The following ZDHHC21 variants were observed in gnomAD, a reference collection of about 807,000 sequenced individuals.
ZDHHC21 encodes zDHHC palmitoyltransferase 21, also known as palmitoyltransferase ZDHHC21.
A neutral mutation model predicts 34.6 loss-of-function variants in ZDHHC21; 15 were observed. The observed-to-expected ratio is 0.43, with a 90% confidence interval of 0.29 to 0.67. The LOEUF (loss-of-function observed/expected upper bound fraction) is 0.67, where lower values mean the gene tolerates loss of function less well. Among genes scored for constraint, ZDHHC21 ranks in the 30% least tolerant of loss-of-function variants. The pLI is 0.14. For synonymous variants in ZDHHC21, 142 were observed against 101.8 expected (o/e 1.40, Z -2.38); for missense variants, 344 against 327.7 (o/e 1.05, Z -0.38).
rs374563308 is a variant in ZDHHC21 at position 14,618,964 on chromosome 9, G to A, written c.*2C>T. On this transcript the variant is annotated 3_prime_UTR_variant, in exon 10 of 10. Transcript: ENST00000380916. The stretch of plus-strand genomic sequence containing the variant: ...ACCCATCTGTGCCCACCATCCATCT[G>A]TTTAGACATGATTGGCAAAGTGGTA... 22 of 1,606,438 alleles carry A rather than the reference G, an allele frequency of 1.4e-5. No individual in the cohort carries two copies. The highest frequency in any genetic ancestry group is 1.3e-4 in the East Asian group (6 of 44,598).
At chr9:14,681,328 T>C (rs1837333691) in intron 2 of ZDHHC21, among the ~76,000 whole-genome samples, 1 of 152,160 alleles carries the variant, frequency 6.6e-6, no homozygotes, top group Non-Finnish European at 1.5e-5. Flanking sequence ...CAAGCAATCC[T>C]CCTGCCTCAG....
chr9:14,692,667 G>A (rs1839327101), intron 1 of ZDHHC21, among the ~76,000 whole-genome samples: 1 of 152,088 alleles, frequency 6.6e-6, no homozygotes, highest in Non-Finnish European at 1.5e-5. Flanking sequence ...GCAAACTGCT[G>A]CCATCCATAA....
At position 14,674,405 on chromosome 9, in the gene ZDHHC21, A is replaced by G. The variant is rs1835989089; in HGVS notation, c.-45-20T>C. On this transcript the variant is annotated intron_variant, in intron 3 of 9. Transcript: ENST00000380916. The stretch of plus-strand genomic sequence containing the variant: ...ATGATCCTAAGGAGAAGGAACAAAG[A>G]AAATAATTACTTACATAGAAAAATT... The G allele has an allele frequency of 4.8e-6, 7 of 1,462,298 alleles. No homozygotes were observed. Among genetic ancestry groups the G allele is most frequent in the Non-Finnish European group, 6.4e-6 (7 of 1,096,060 alleles). 90.6% of individuals were successfully genotyped at this position (1,462,298 alleles called of 1,614,324 possible).
At chr9:14,690,137 G>A (rs1388307913) in intron 2 of ZDHHC21, among the ~76,000 whole-genome samples, 200 bp downstream of exon 2, 2 of 152,148 alleles carry the variant, frequency 1.3e-5, no homozygotes, top group Non-Finnish European at 2.9e-5. Context: ...AAGAGGCCCA[G>A]GCTTTTCCTG....
intron 7 of ZDHHC21, among the ~76,000 whole-genome samples, chr9:14,654,238 T>A (rs1354679077): frequency 1.3e-5 from 2 of 151,958 alleles, no homozygotes; most frequent in African/African-American, 4.8e-5. Context: ...CAAAGACAAA[T>A]CCAGCAATCA....
intron 8 of ZDHHC21, among the ~76,000 whole-genome samples, chr9:14,623,224 A>C (rs970447683): frequency 1.3e-5 from 2 of 152,018 alleles, no homozygotes; most frequent in Non-Finnish European, 2.9e-5. Flanking sequence ...GAAACAACAT[A>C]GTGAATGGCT....
chr9:14,637,802 C>T (rs1219164920), intron 8 of ZDHHC21, among the ~76,000 whole-genome samples: 1 of 151,784 alleles, frequency 6.6e-6, no homozygotes, highest in Admixed American at 6.6e-5. Context: ...AACAACAACA[C>T]TCTAAGAATA....
intron 8 of ZDHHC21, among the ~76,000 whole-genome samples, chr9:14,623,890 G>A (rs928740851): frequency 1.3e-5 from 2 of 151,950 alleles, no homozygotes; most frequent in African/African-American, 4.8e-5. Context: ...ACACAGTCTG[G>A]GGAAGAACCT....
chr9:14,644,080 G>C (rs1169186331), intron 7 of ZDHHC21, among the ~76,000 whole-genome samples: 1 of 152,008 alleles, frequency 6.6e-6, no homozygotes, highest in Non-Finnish European at 1.5e-5. Context: ...ATTACCTTTC[G>C]TTAAGTTTCT....
the ZDHHC21 span, among the ~76,000 whole-genome samples, chr9:14,599,098 A>T: frequency 6.6e-6 from 1 of 152,198 alleles, no homozygotes; most frequent in Non-Finnish European, 1.5e-5. Context: ...TAAACATAAA[A>T]AAAGAACCTG....
At chr9:14,668,139 C>G (rs1834821492) in intron 5 of ZDHHC21, among the ~76,000 whole-genome samples, 1 of 101,730 alleles carries the variant, frequency 9.8e-6, no homozygotes, top group East Asian at 3.0e-4. Flanking sequence ...AGCTGATAAG[C>G]AACTTCAGCA....
intron 8 of ZDHHC21, 36 bp downstream of exon 8, chr9:14,639,860 T>C (rs966478515): frequency 8.1e-7 from 1 of 1,230,410 alleles, no homozygotes; most frequent in Admixed American, 2.1e-5. Context: ...AGGTAATATA[T>C]TCATAAATGT....
Position 14,619,007 on chromosome 9 carries a change from G to C in ZDHHC21, c.757C>G (p.Gln253Glu), listed in dbSNP as rs1457714427. The change falls in exon 10 of 10, where the codon CAA becomes GAA. Residue 253 changes from glutamine to glutamate, a missense_variant. Transcript: ENST00000380916. Reference sequence around the variant, plus strand: ...AAGTGGTAGGGAACTCGCAGTGGTTGCCTCTGCCTGAAAGGAATGAACCAC... The same window carrying C: ...AAGTGGTAGGGAACTCGCAGTGGTTCCCTCTGCCTGAAAGGAATGAACCAC... ...ILWFIPFRQR[Q>E]PLRVPYHFAN... The C allele has an allele frequency of 6.2e-7, 1 of 1,611,758 alleles. No homozygotes were observed. Among genetic ancestry groups the C allele is most frequent in the South Asian group, 1.1e-5 (1 of 90,804 alleles).
intron 4 of ZDHHC21, among the ~76,000 whole-genome samples, chr9:14,673,316 C>A (rs1472077472): frequency 6.6e-6 from 1 of 152,046 alleles, no homozygotes; most frequent in East Asian, 1.9e-4. Context: ...TTTTCATTAA[C>A]TAACTGGGTA....
intron 2 of ZDHHC21, among the ~76,000 whole-genome samples, chr9:14,687,946 T>C (rs1838587638): frequency 1.3e-5 from 2 of 150,878 alleles, no homozygotes; most frequent in Non-Finnish European, 2.9e-5. Flanking sequence ...AAAGCAGAGT[T>C]ACAGCTGTAA....
intron 1 of ZDHHC21, 63 bp downstream of exon 1, chr9:14,693,166 G>C (rs1839430284): frequency 3.6e-6 from 1 of 277,580 alleles, no homozygotes; most frequent in Non-Finnish European, 7.0e-6. Flanking sequence ...GGGGATGGGG[G>C]TGGGGGTGCG....
At chr9:14,610,854 G>C (rs1165708460), downstream of ZDHHC21, among the ~76,000 whole-genome samples, 2 of 151,924 alleles carry the variant, frequency 1.3e-5, no homozygotes, top group African/African-American at 4.8e-5. Flanking sequence ...GAAATACTGC[G>C]TTTGTCAATT....
chr9:14,614,501 A>G lies in ZDHHC21; in HGVS notation c.*4465T>C, dbSNP rs1471213165. 4 of 151,794 alleles carry G rather than the reference A, an allele frequency of 2.6e-5. No homozygotes were observed. The highest frequency in any genetic ancestry group is 4.4e-5 in the Non-Finnish European group (3 of 67,766). The allele number at this position is 151,794 out of a possible 1,614,324, so 9.4% of individuals were successfully genotyped here. Reference sequence around the variant, plus strand: ...AAATGCTAAATACTGATTAACATATAGAATTACAACACTGGTTCAAAATAG... The same window carrying G: ...AAATGCTAAATACTGATTAACATATGGAATTACAACACTGGTTCAAAATAG... On this transcript the variant is annotated 3_prime_UTR_variant, in exon 10 of 10. Transcript: ENST00000380916.
chr9:14,616,635 C>T lies in ZDHHC21; in HGVS notation c.*2331G>A, dbSNP rs1447665080. On this transcript the variant is annotated 3_prime_UTR_variant, in exon 10 of 10. Coordinates refer to ENST00000380916, the MANE Select transcript of ZDHHC21 (RefSeq NM_178566.6). ...TGCCAGTTGGTTTTTCTCTAGTAGT[C>T]TAATAAGAATTAACAAAACCCACAG... The T allele has an allele frequency of 6.6e-6, 1 of 151,586 alleles. No individual in the cohort carries two copies. Among genetic ancestry groups the T allele is most frequent in the Admixed American group, 6.6e-5 (1 of 15,178 alleles). 9.4% of individuals were successfully genotyped at this position (151,586 alleles called of 1,614,324 possible).
Sources: allele counts gnomAD v4.1 joint callset (sites outside exome capture counted in the v4.1 genomes callset), GRCh38; gene constraint gnomAD v4.1.1; transcripts MANE v1.5; gene names NCBI Gene and HGNC (gene_info 2026-07-23, HGNC 2026-07-21).